Variants in GGA1 observed in about 807,000 individuals in gnomAD.
GGA1 encodes the protein ADP-ribosylation factor-binding protein GGA1.
A neutral mutation model predicts 76.9 loss-of-function variants in GGA1; 18 were observed. The ratio of observed to expected loss-of-function variants is 0.23; its 90% CI spans 0.16 to 0.35. The LOEUF (loss-of-function observed/expected upper bound fraction) is 0.35. Ranked by LOEUF, GGA1 falls within the 10% of genes least tolerant of loss-of-function variation. The pLI, the probability that GGA1 is intolerant of heterozygous loss-of-function variation, is 1.00. For synonymous variants in GGA1, 342 were observed against 354.7 expected (o/e 0.96, Z 0.40); for missense variants, 755 against 859.0 (o/e 0.88, Z 1.51).
intron 2 of GGA1, among the ~76,000 whole-genome samples, chr22:37,614,878 C>G (rs1341023951): frequency 3.3e-5 from 5 of 152,106 alleles, no homozygotes; most frequent in African/African-American, 4.8e-5. Flanking sequence ...ACTCAGGAGG[C>G]TGAGGCAGGA....
intron 1 of GGA1, chr22:37,610,718 A>C (rs1927363074): frequency 6.6e-6 from 1 of 152,268 alleles, no homozygotes; most frequent in African/African-American, 2.4e-5. Flanking sequence ...TGTTATTGTC[A>C]GCACTATAGA....
intron 13 of GGA1, among the ~76,000 whole-genome samples, chr22:37,630,469 G>A (rs987143695): frequency 6.6e-6 from 1 of 151,360 alleles, no homozygotes; most frequent in Non-Finnish European, 1.5e-5. Context: ...GGTGGAGGGA[G>A]AACACGAGCT....
Position 37,623,811 on chromosome 22 carries a change from C to T in GGA1, c.832+178C>T. ...GAGGACACAGAGCAGGGGCCGCCCCCCTGTTGAGAGGCCCTGTGGGCCAGC... is the reference window on the plus strand; with the variant it reads ...GAGGACACAGAGCAGGGGCCGCCCCTCTGTTGAGAGGCCCTGTGGGCCAGC... On this transcript the variant is annotated intron_variant, in intron 9 of 16. Transcript: ENST00000343632. This position sits in a 1 kb window ranked among gnomAD's most constrained non-coding sequence, Gnocchi z 4.6. The T allele has an allele frequency of 3.4e-6, 2 of 589,192 alleles. No individual in the cohort carries two copies. Among genetic ancestry groups the T allele is most frequent in the South Asian group, 4.0e-5 (2 of 50,298 alleles). The allele number at this position is 589,192 out of a possible 1,614,324, so 36.5% of individuals were successfully genotyped here.
chr22:37,618,309 G>T, intron 3 of GGA1, 139 bp from the exon 4 acceptor site: 1 of 611,276 alleles, frequency 1.6e-6, no homozygotes, highest in South Asian at 1.9e-5. Flanking sequence ...GTGTGACTCT[G>T]AATCTTCCAA....
chr22:37,630,079 C>G lies in GGA1; in HGVS notation c.1240C>G (p.Leu414Val), dbSNP rs769521468. Reference sequence around the variant, plus strand: ...AAGCCGACCCCCAGCGCAGACATCCCTGCCAGCAAGCAGCGGTCTGGACGA... The same window carrying G: ...AAGCCGACCCCCAGCGCAGACATCCGTGCCAGCAAGCAGCGGTCTGGACGA... ...MESRPPAQTS[L>V]PASSGLDDLD... The change falls in exon 13 of 17, where the codon CTG becomes GTG. Residue 414 changes from leucine (L) to valine (V), a missense_variant. By Grantham distance (32) the Leu-to-Val change is conservative. Coordinates refer to ENST00000343632, the MANE Select transcript of GGA1 (RefSeq NM_013365.5). The G allele has an allele frequency of 6.2e-7, 1 of 1,609,986 alleles. No individual in the cohort carries two copies. The highest frequency in any genetic ancestry group is 8.5e-7 in the Non-Finnish European group (1 of 1,177,288).
chr22:37,618,444 A>C lies in GGA1; in HGVS notation c.205-4A>C, dbSNP rs766632771. 5.0e-6 allele frequency: 8 copies of C among 1,589,232 alleles called. No homozygotes were observed. The highest frequency in any genetic ancestry group is 1.7e-5 in the Admixed American group (1 of 59,900). On this transcript the variant is annotated splice_polypyrimidine_tract_variant and splice_region_variant and intron_variant, in intron 3 of 16. Coordinates refer to ENST00000343632, the MANE Select transcript of GGA1 (RefSeq NM_013365.5). The stretch of plus-strand genomic sequence containing the variant: ...GTCCCCTCCCATCCCCCCTCCCTGC[A>C]CAGGTGCTGGAAACATGCATGAAGA...
chr22:37,623,803 G>A lies in GGA1; in HGVS notation c.832+170G>A, dbSNP rs1463805130. 1.8e-5 allele frequency: 11 copies of A among 596,088 alleles called. No individual in the cohort carries two copies. The Admixed American group carries it at 3.0e-4, about 16-fold the overall frequency. 36.9% of individuals were successfully genotyped at this position (596,088 alleles called of 1,614,324 possible). A position where few individuals can be genotyped will look rare whatever the true frequency, so the allele number is the denominator to read the frequency against. On this transcript the variant is annotated intron_variant, in intron 9 of 16. Transcript: ENST00000343632. The surrounding 1 kb of genome is among the most constrained non-coding windows in gnomAD (Gnocchi z 4.6). ...TCCTCTCTGAGGACACAGAGCAGGG[G>A]CCGCCCCCCTGTTGAGAGGCCCTGT...
intron 14 of GGA1, among the ~76,000 whole-genome samples, chr22:37,631,579 A>G (rs926843953): frequency 1.4e-4 from 22 of 152,054 alleles, no homozygotes; most frequent in Non-Finnish European, 2.8e-4. Context: ...CACTACCCCC[A>G]CAGTGTCTCC....
chr22:37,620,105 G>T, intron 4 of GGA1, 133 bp from the exon 5 acceptor site: 2 of 912,542 alleles, frequency 2.2e-6, no homozygotes, highest in South Asian at 1.5e-5. Context: ...CTGGTTGGGC[G>T]GGGCTATGAG....
chr22:37,611,289 C>T (rs1927523280), intron 1 of GGA1, among the ~76,000 whole-genome samples: 1 of 152,044 alleles, frequency 6.6e-6, no homozygotes, highest in Non-Finnish European at 1.5e-5. Flanking sequence ...AACATTCGTC[C>T]TTCCGATCTC....
intron 11 of GGA1, 88 bp from the exon 12 acceptor site, chr22:37,629,374 G>GC (rs1931386415): frequency 9.3e-6 from 8 of 864,332 alleles, no homozygotes; most frequent in Middle Eastern, 2.4e-4. Context: ...GGGGTAGGGA[G>GC]CCCCATGCCA....
At chr22:37,631,739 G>T (rs1198793561) in intron 14 of GGA1, among the ~76,000 whole-genome samples, 1 of 152,222 alleles carries the variant, frequency 6.6e-6, no homozygotes, top group East Asian at 1.9e-4. Flanking sequence ...AGCATCGGGG[G>T]AAGCTGGGCT....
chr22:37,620,261 G>C lies in GGA1; in HGVS notation c.327G>C (p.Glu109Asp), dbSNP rs774568469. 6.2e-7 allele frequency: 1 copy of C among 1,613,888 alleles called. No individual in the cohort carries two copies. Among genetic ancestry groups the C allele is most frequent in the African/African-American group, 1.3e-5 (1 of 74,896 alleles). Residue 109 changes from glutamate to aspartate, a missense_variant, in exon 5 of 17, where the codon GAG becomes GAC. By Grantham distance (45) the Glu-to-Asp change is conservative. Coordinates refer to ENST00000343632, the MANE Select transcript of GGA1 (RefSeq NM_013365.5). ...SPKYLGSRTS[E>D]KVKNKILELL... ...AGTATCTGGGCTCTCGGACATCGGA[G>C]AAGGTGAAGAACAAGATCTTGGAGC... is the stretch of plus-strand genomic sequence containing the variant.
At chr22:37,620,387 G>T in intron 5 of GGA1, 26 bp downstream of exon 5, 1 of 1,612,864 alleles carries the variant, frequency 6.2e-7, no homozygotes, top group Admixed American at 1.7e-5. Flanking sequence ...GGTGGGGGGC[G>T]ACCAGGGCCT....
rs775923665 is a variant in GGA1 at position 37,632,160 on chromosome 22, C to G, written c.1693C>G (p.Pro565Ala). 1.2e-6 allele frequency: 2 copies of G among 1,608,768 alleles called. No homozygotes were observed. Among genetic ancestry groups the G allele is most frequent in the African/African-American group, 1.3e-5 (1 of 74,876 alleles). ...IRNIVFQSAV[P>A]KVMKVKLQPP... is the part of the protein sequence containing the mutation. ...CAACATCGTGTTCCAGTCAGCTGTCCCCAAGGTGACAAGCCAGTCGGACAG... is the reference window on the plus strand; with the variant it reads ...CAACATCGTGTTCCAGTCAGCTGTCGCCAAGGTGACAAGCCAGTCGGACAG... Residue 565 changes from proline to alanine, a missense_variant, in exon 15 of 17, where the codon CCC becomes GCC. Coordinates refer to ENST00000343632, the MANE Select transcript of GGA1 (RefSeq NM_013365.5). This position sits in a 1 kb window ranked among gnomAD's most constrained non-coding sequence, Gnocchi z 5.1.
chr22:37,632,336 T>C lies in GGA1; in HGVS notation c.1699-69T>C. The C allele has an allele frequency of 2.9e-6, 4 of 1,365,386 alleles. No individual in the cohort carries two copies. Among genetic ancestry groups the C allele is most frequent in the Non-Finnish European group, 4.2e-6 (4 of 956,212 alleles). 84.6% of individuals were successfully genotyped at this position (1,365,386 alleles called of 1,614,324 possible). A position where few individuals can be genotyped will look rare whatever the true frequency, so the allele number is the denominator to read the frequency against. On this transcript the variant is annotated intron_variant, in intron 15 of 16. Transcript: ENST00000343632. This position sits in a 1 kb window ranked among gnomAD's most constrained non-coding sequence, Gnocchi z 5.1. The stretch of plus-strand genomic sequence containing the variant: ...GATCCCCGGAGGGGAGCTGGCAGGC[T>C]GGGCCTGGTTCCTCAGAGCAGGACA...
Position 37,630,063 on chromosome 22 carries a change from C to G in GGA1, c.1224C>G (p.Pro408=), listed in dbSNP as rs1931526590. 6.2e-7 allele frequency: 1 copy of G among 1,607,932 alleles called. No individual in the cohort carries two copies. The highest frequency in any genetic ancestry group is 8.5e-7 in the Non-Finnish European group (1 of 1,175,400). Residue 408 remains proline (P), a synonymous_variant, in exon 13 of 17, where the codon CCC becomes CCG. Coordinates refer to ENST00000343632, the MANE Select transcript of GGA1 (RefSeq NM_013365.5). ...AGGCCCCCAGTATGGAAAGCCGACC[C>G]CCAGCGCAGACATCCCTGCCAGCAA... ...LAQAPSMESR[P]PAQTSLPASS... is the part of the protein sequence containing the mutation.
chr22:37,620,145 A>T lies in GGA1; in HGVS notation c.304-93A>T. 8 of 1,423,326 alleles carry T rather than the reference A, an allele frequency of 5.6e-6. No homozygotes were observed. In the South Asian group the frequency reaches 8.2e-5, roughly 15 times the overall value. 88.2% of individuals were successfully genotyped at this position (1,423,326 alleles called of 1,614,324 possible). A position where few individuals can be genotyped will look rare whatever the true frequency, so the allele number is the denominator to read the frequency against. On this transcript the variant is annotated intron_variant, in intron 4 of 16. Transcript: ENST00000343632. Reference sequence around the variant, plus strand: ...CTGTAGGCTAGAGGGCTTCCCGGGGAGTCCTGGGGAGGCAGTAGGGTGTGG... The same window carrying T: ...CTGTAGGCTAGAGGGCTTCCCGGGGTGTCCTGGGGAGGCAGTAGGGTGTGG...
chr22:37,609,435 A>G (rs2145855601), intron 1 of GGA1: 1 of 587,630 alleles, frequency 1.7e-6, no homozygotes, highest in Middle Eastern at 7.1e-4. Flanking sequence ...CGCCGCTCCT[A>G]GTCTCTAGCC....
Sources: gnomAD v4.1 joint callset for allele counts (sites outside exome capture counted in the v4.1 genomes callset) on GRCh38, gnomAD v4.1.1 for gene constraint, Gnocchi (gnomAD v3.1) non-coding constraint, MANE v1.5 for transcripts, NCBI Gene and HGNC (gene_info 2026-07-23, HGNC 2026-07-21) for gene names.